Variants in POLD2 observed in about 807,000 individuals in gnomAD.
The protein encoded by POLD2 is DNA polymerase delta 2, accessory subunit.
POLD2 carries 31 observed loss-of-function variants against 48.8 expected under a neutral mutation model. That is an observed-to-expected ratio of 0.64 (90% CI 0.48 to 0.86). POLD2 has a LOEUF of 0.86. POLD2 is among the 40% of genes least tolerant of loss of function. POLD2 has a pLI of 0.00. For missense variants in POLD2, 455 were observed against 610.1 expected (o/e 0.75, Z 2.68); for synonymous variants, 233 against 256.3 (o/e 0.91, Z 0.87).
chr7:44,121,780 A>G lies in POLD2; in HGVS notation c.220+54T>C, dbSNP rs2096248453. The G allele has an allele frequency of 2.0e-6, 3 of 1,535,144 alleles. No homozygotes were observed. Among genetic ancestry groups the G allele is most frequent in the Non-Finnish European group, 1.8e-6 (2 of 1,130,120 alleles). ...AACTGTTCCCATTCTCTTGCAGAAC[A>G]CTTCTAAGTTCAGGGATGCTGTGGG... On this transcript the variant is annotated intron_variant, in intron 2 of 10. Transcript: ENST00000610533. The surrounding 1 kb of genome is among the most constrained non-coding windows in gnomAD (Gnocchi z 4.5).
Position 44,115,464 on chromosome 7 carries a change from G to T in POLD2, c.1148-68C>A, listed in dbSNP as rs555281011. 61 of 1,037,556 alleles carry T rather than the reference G, an allele frequency of 5.9e-5. No individual in the cohort carries two copies. In the African/African-American group the frequency reaches 9.1e-4, roughly 15 times the overall value. The allele number at this position is 1,037,556 out of a possible 1,614,324, so 64.3% of individuals were successfully genotyped here. On this transcript the variant is annotated intron_variant, in intron 9 of 10. Transcript: ENST00000610533. ...ACTAGCACTCTGCACAGGATGTGGG[G>T]CTGCAGCCCCTCCTCCCATTGCAGG...
At position 44,117,126 on chromosome 7, in the gene POLD2, T is replaced by A; in HGVS notation, c.581+7A>T. 1 of 1,612,884 alleles carries A rather than the reference T, an allele frequency of 6.2e-7. No individual in the cohort carries two copies. The highest frequency in any genetic ancestry group is 8.5e-7 in the Non-Finnish European group (1 of 1,178,880). ...GCTGGTTCCAGCTCCCGAGAACTGC[T>A]GCTCACCTATCTGTGTCAAGTGGGG... On this transcript the variant is annotated splice_region_variant and intron_variant, in intron 5 of 10. Transcript: ENST00000610533.
At chr7:44,117,597 A>T in intron 4 of POLD2, 22 bp downstream of exon 4, 1 of 1,590,166 alleles carries the variant, frequency 6.3e-7, no homozygotes, top group Non-Finnish European at 8.6e-7. Context: ...CATCACCCAC[A>T]TCCTCTCATT....
At position 44,118,037 on chromosome 7, in the gene POLD2, C is replaced by G; in HGVS notation, c.248G>C (p.Cys83Ser). ...GCACTTCTCCTCAGGCTGCAGTTCA[C>G]ACAGCTTCTTCACTCCCACTCCACT... ...WGSGVGVKKL[C>S]ELQPEEKCCV... The change falls in exon 3 of 11, where the codon TGT (cysteine) becomes TCT (serine). Residue 83 changes from cysteine to serine, a missense_variant. By Grantham distance (112) the Cys-to-Ser change is moderately radical. Around this residue, in one of 3 missense-constraint regions of POLD2, gnomAD observed 349 missense variants for 437.4 expected, o/e 0.80. Transcript: ENST00000610533. 1 of 1,614,250 alleles carries G rather than the reference C, an allele frequency of 6.2e-7. No homozygotes were observed. Among genetic ancestry groups the G allele is most frequent in the Non-Finnish European group, 8.5e-7 (1 of 1,180,028 alleles).
At chr7:44,118,576 G>A (rs139594759) in intron 2 of POLD2, among the ~76,000 whole-genome samples, 2,027 of 152,248 alleles carry the variant, frequency 0.013, 50 homozygotes, top group African/African-American at 0.044. Context: ...GCAGTGGCGC[G>A]ATCTCAGCTC....
chr7:44,121,503 G>T lies in POLD2; in HGVS notation c.220+331C>A, dbSNP rs979603195. ...CTGGCGCCAGGCTTGCCACACTGAG[G>T]GGCTCTCTGGCTACAGCACAGGCAA... is the stretch of plus-strand genomic sequence containing the variant. On this transcript the variant is annotated intron_variant, in intron 2 of 10. Coordinates refer to ENST00000610533, the MANE Select transcript of POLD2 (RefSeq NM_006230.4). The surrounding 1 kb of genome is among the most constrained non-coding windows in gnomAD (Gnocchi z 4.5). 1.3e-5 allele frequency among the ~76,000 whole-genome samples: 2 copies of T among 152,078 alleles called. No individual in the cohort carries two copies. Among genetic ancestry groups the T allele is most frequent in the African/African-American group, 4.8e-5 (2 of 41,392 alleles).
At chr7:44,117,433 C>T in intron 4 of POLD2, 186 bp from the exon 5 acceptor site, 1 of 777,590 alleles carries the variant, frequency 1.3e-6, no homozygotes, top group South Asian at 1.8e-5. Flanking sequence ...GACCCATCTC[C>T]CAGCCAGGTC....
intron 9 of POLD2, 27 bp downstream of exon 9, chr7:44,115,739 C>T: frequency 6.2e-7 from 1 of 1,611,062 alleles, no homozygotes; most frequent in Non-Finnish European, 8.5e-7. Context: ...GCCCTCTGCT[C>T]CCACCCTGTA....
chr7:44,115,741 C>A, intron 9 of POLD2, 25 bp downstream of exon 9: 1 of 1,611,350 alleles, frequency 6.2e-7, no homozygotes, highest in African/African-American at 1.3e-5. Flanking sequence ...CCTCTGCTCC[C>A]ACCCTGTATG....
intron 10 of POLD2, 140 bp from the exon 11 acceptor site, chr7:44,115,085 G>A: frequency 1.1e-6 from 1 of 879,768 alleles, no homozygotes; most frequent in Non-Finnish European, 1.8e-6. Flanking sequence ...GCCTTGAGAG[G>A]CACACAGGCT....
rs368138685 is a variant in POLD2, at chr7:44,116,243, G to C, written c.891C>G (p.Gly297=). The change falls in exon 8 of 11, where the codon GGC becomes GGG. Residue 297 remains glycine, a synonymous_variant. Transcript: ENST00000610533. This position sits in a 1 kb window ranked among gnomAD's most constrained non-coding sequence, Gnocchi z 6.1. ...GCGTGTAATTGGTGGGATCAAACTC[G>C]CCTGGCATCACGTCCACGGGCACTG... ...SASVPVDVMP[G]EFDPTNYTLP... The C allele has an allele frequency of 2.2e-5, 36 of 1,612,608 alleles. No individual in the cohort carries two copies. The highest frequency in any genetic ancestry group is 3.0e-5 in the Non-Finnish European group (35 of 1,179,204).
Position 44,123,498 on chromosome 7 carries a change from G to A in POLD2, c.-57+13C>T. Reference sequence around the variant, plus strand: ...CACCCCCAGCTGACCCCGTTTCCCTGGACCCCACTCACCGCGCGGCGCGCC... The same window carrying A: ...CACCCCCAGCTGACCCCGTTTCCCTAGACCCCACTCACCGCGCGGCGCGCC... On this transcript the variant is annotated intron_variant, in intron 1 of 10. Transcript: ENST00000610533. 6.7e-7 allele frequency: 1 copy of A among 1,491,800 alleles called. No individual in the cohort carries two copies. The highest frequency in any genetic ancestry group is 1.5e-5 in the African/African-American group (1 of 68,766). The allele number at this position is 1,491,800 out of a possible 1,614,324, so 92.4% of individuals were successfully genotyped here. A position where few individuals can be genotyped will look rare whatever the true frequency, so the allele number is the denominator to read the frequency against.
chr7:44,123,459 C>T, intron 1 of POLD2, 52 bp downstream of exon 1: 1 of 1,494,558 alleles, frequency 6.7e-7, no homozygotes, highest in East Asian at 2.9e-5. Context: ...CCCGGCCTCG[C>T]GGCCTGGAAC....
chr7:44,116,809 C>T lies in POLD2; in HGVS notation c.780+8G>A. ...CTGGGGCTGAATGCAGCCAGGTGGG[C>T]TCCATACCTTATTGATAGAATCCCT... On this transcript the variant is annotated splice_region_variant and intron_variant, in intron 6 of 10. Transcript: ENST00000610533. This position sits in a 1 kb window ranked among gnomAD's most constrained non-coding sequence, Gnocchi z 6.1. 2 of 1,613,138 alleles carry T rather than the reference C, an allele frequency of 1.2e-6. No individual in the cohort carries two copies. Among genetic ancestry groups the T allele is most frequent in the African/African-American group, 1.3e-5 (1 of 75,022 alleles).
rs1682712171 is a variant in POLD2 at position 44,121,562 on chromosome 7, C to T, written c.220+272G>A. On this transcript the variant is annotated intron_variant, in intron 2 of 10. Coordinates refer to ENST00000610533, the MANE Select transcript of POLD2 (RefSeq NM_006230.4). The surrounding 1 kb of genome is among the most constrained non-coding windows in gnomAD (Gnocchi z 4.5). ...ATAATCTGCACTGAAGATAGGAAAA[C>T]CATTTTCCTCTGCCAGTGAAGTAAT... 6.6e-6 allele frequency among the ~76,000 whole-genome samples: 1 copy of T among 152,216 alleles called. No individual in the cohort carries two copies. Among genetic ancestry groups the T allele is most frequent in the Non-Finnish European group, 1.5e-5 (1 of 68,042 alleles).
In POLD2 at chr7:44,123,234, G is replaced by A. The variant is rs187262901; in HGVS notation, c.-57+277C>T. 6,130 of 1,345,594 alleles carry A rather than the reference G, an allele frequency of 4.6e-3. 17 individuals carry two copies. Among genetic ancestry groups the A allele is most frequent in the Non-Finnish European group, 5.2e-3 (5,491 of 1,055,296 alleles). The allele number at this position is 1,345,594 out of a possible 1,614,324, so 83.4% of individuals were successfully genotyped here. ...CAATCTATCTCCACGGGACAGCACT[G>A]GCCTGGGACACAGGCTCCGCACACG... On this transcript the variant is annotated intron_variant, in intron 1 of 10. Coordinates refer to ENST00000610533, the MANE Select transcript of POLD2 (RefSeq NM_006230.4).
In POLD2 at chr7:44,122,071, G is replaced by A. The variant is rs565491029; in HGVS notation, c.-18C>T. On this transcript the variant is annotated 5_prime_UTR_variant, in exon 2 of 11. Coordinates refer to ENST00000610533, the MANE Select transcript of POLD2 (RefSeq NM_006230.4). ...GAAAACATGGCCACACTCCTGACTT[G>A]CTTGGTCCACACAGCTTCGCCCAGG... The A allele has an allele frequency of 6.2e-7, 1 of 1,611,352 alleles. No homozygotes were observed. The highest frequency in any genetic ancestry group is 1.7e-5 in the Admixed American group (1 of 59,968).
At chr7:44,114,993 G>T (rs372831655) in intron 10 of POLD2, 48 bp from the exon 11 acceptor site, 4 of 1,513,534 alleles carry the variant, frequency 2.6e-6, no homozygotes, top group Non-Finnish European at 3.6e-6. Flanking sequence ...AGTAAGTCCT[G>T]CCTCAAAGAG....
At chr7:44,115,208 C>T in intron 10 of POLD2, 87 bp downstream of exon 10, 1 of 952,982 alleles carries the variant, frequency 1.0e-6, no homozygotes, top group Non-Finnish European at 1.7e-6. Flanking sequence ...GGGGACTCCA[C>T]AATGCAGGTT....
Sources: gnomAD v4.1 joint callset for allele counts (sites outside exome capture counted in the v4.1 genomes callset) on GRCh38, gnomAD v4.1.1 for gene constraint, gnomAD v4.1.1 regional missense constraint, Gnocchi (gnomAD v3.1) non-coding constraint, MANE v1.5 for transcripts, NCBI Gene and HGNC (gene_info 2026-07-23, HGNC 2026-07-21) for gene names.